Variants in PHACTR2 observed in about 807,000 individuals in gnomAD.
The protein encoded by PHACTR2 is phosphatase and actin regulator 2.
In PHACTR2, 30 loss-of-function variants were observed where a neutral mutation model predicts 76.0. That is an observed-to-expected ratio of 0.39 (90% CI 0.30 to 0.54). PHACTR2 has a LOEUF of 0.54. PHACTR2 is among the 20% of genes least tolerant of loss of function. PHACTR2 has a pLI of 0.61. For synonymous variants in PHACTR2, 292 were observed against 292.5 expected (o/e 1.00, Z 0.02); for missense variants, 696 against 781.1 (o/e 0.89, Z 1.30).
rs1778741528 is a variant in PHACTR2, at chr6:143,733,109, G to C, written c.215-15876G>C. Among the ~76,000 whole-genome samples the C allele has an allele frequency of 6.6e-6, 1 of 152,038 alleles. No homozygotes were observed. The highest frequency in any genetic ancestry group is 6.6e-5 in the Admixed American group (1 of 15,246). On this transcript the variant is annotated intron_variant, in intron 2 of 12. Coordinates refer to ENST00000440869, the MANE Select transcript of PHACTR2 (RefSeq NM_001100164.2). The surrounding 1 kb of genome is among the most constrained non-coding windows in gnomAD (Gnocchi z 4.0). ...AGATGGAGGCTTGCTCAGCTGCCCA[G>C]GCTGGGTGTCCAACTGGCTTCAAGT... is the stretch of plus-strand genomic sequence containing the variant.
Position 143,761,861 on chromosome 6 carries a change from AT to A in PHACTR2, c.694+1222del, listed in dbSNP as rs1779450985. Among the ~76,000 whole-genome samples, 1 of 152,202 alleles carries A rather than the reference AT, an allele frequency of 6.6e-6. No homozygotes were observed. Among genetic ancestry groups the A allele is most frequent in the African/African-American group, 2.4e-5 (1 of 41,442 alleles). On this transcript the variant is annotated intron_variant, in intron 5 of 12. Coordinates refer to ENST00000440869, the MANE Select transcript of PHACTR2 (RefSeq NM_001100164.2). The surrounding 1 kb of genome is among the most constrained non-coding windows in gnomAD (Gnocchi z 5.2). ...TTTCCTCTCATAATGTATGACCATA[AT>A]GCTCAAATTCAGAGAGCGGTTTAGT...
At chr6:143,712,538 T>G (rs201454914) in intron 2 of PHACTR2, among the ~76,000 whole-genome samples, 213 of 123,088 alleles carry the variant, frequency 1.7e-3, no homozygotes, top group Admixed American at 4.0e-3. Flanking sequence ...CATGATGTTA[T>G]ATATTTAGTT....
At position 143,811,878 on chromosome 6, in the gene PHACTR2, T is replaced by TA. The variant is rs1776181628; in HGVS notation, c.1922+4751dup. Among the ~76,000 whole-genome samples the TA allele has an allele frequency of 6.6e-6, 1 of 152,160 alleles. No individual in the cohort carries two copies. Among genetic ancestry groups the TA allele is most frequent in the Admixed American group, 6.5e-5 (1 of 15,276 alleles). ...AGTTTTACATTTAGCAAATTGTTCATAAAAAAGGTGGTGGTACTCTTAGTA... is the reference window on the plus strand; with the variant it reads ...AGTTTTACATTTAGCAAATTGTTCATAAAAAAAGGTGGTGGTACTCTTAGTA... On this transcript the variant is annotated intron_variant, in intron 12 of 12. Coordinates refer to ENST00000440869, the MANE Select transcript of PHACTR2 (RefSeq NM_001100164.2). This position sits in a 1 kb window ranked among gnomAD's most constrained non-coding sequence, Gnocchi z 4.1.
In PHACTR2 at chr6:143,800,930, G is replaced by A. The variant is rs1188690453; in HGVS notation, c.1846-6127G>A. ...TCTCAGCATTTGCTTGTGTGGAAAG[G>A]ATTTTATTTCTCCTTCACTTATGAA... On this transcript the variant is annotated intron_variant, in intron 11 of 12. Coordinates refer to ENST00000440869, the MANE Select transcript of PHACTR2 (RefSeq NM_001100164.2). This position sits in a 1 kb window ranked among gnomAD's most constrained non-coding sequence, Gnocchi z 4.8. 3.9e-5 allele frequency among the ~76,000 whole-genome samples: 6 copies of A among 152,266 alleles called. No individual in the cohort carries two copies. Among genetic ancestry groups the A allele is most frequent in the South Asian group, 2.1e-4 (1 of 4,834 alleles).
rs1348655357 is a variant in PHACTR2, at chr6:143,608,499, T to C, written c.13+177T>C. Among the ~76,000 whole-genome samples the C allele has an allele frequency of 6.6e-6, 1 of 152,246 alleles. No homozygotes were observed. The highest frequency in any genetic ancestry group is 1.9e-4 in the East Asian group (1 of 5,198). ...TCCACAAGACAATTAGTGTTTACTTTGAAGTTTAGGAACTGGGAATGCAGA... is the reference window on the plus strand; with the variant it reads ...TCCACAAGACAATTAGTGTTTACTTCGAAGTTTAGGAACTGGGAATGCAGA... On this transcript the variant is annotated intron_variant, in intron 1 of 11. Transcript: ENST00000305766. The surrounding 1 kb of genome is among the most constrained non-coding windows in gnomAD (Gnocchi z 4.6).
chr6:143,705,774 C>T (rs932152667), intron 1 of PHACTR2, among the ~76,000 whole-genome samples: 1 of 152,156 alleles, frequency 6.6e-6, no homozygotes, highest in Admixed American at 6.5e-5. Context: ...ATGTGAACCT[C>T]GATCCCTGGC....
Position 143,618,857 on chromosome 6 carries a change from A to T in PHACTR2, c.13+10535A>T, listed in dbSNP as rs1776103528. 6.6e-6 allele frequency among the ~76,000 whole-genome samples: 1 copy of T among 152,068 alleles called. No homozygotes were observed. Among genetic ancestry groups the T allele is most frequent in the Non-Finnish European group, 1.5e-5 (1 of 68,036 alleles). ...CTACCCCTGTTGGAACACGTAGCAG[A>T]TATACCATCATGCTGCTTCACGTGC... On this transcript the variant is annotated intron_variant, in intron 1 of 11. Transcript: ENST00000305766. The surrounding 1 kb of genome is among the most constrained non-coding windows in gnomAD (Gnocchi z 5.2).
upstream of PHACTR2, among the ~76,000 whole-genome samples, chr6:143,677,569 T>A (rs1192659639): frequency 6.6e-6 from 1 of 152,074 alleles, no homozygotes; most frequent in African/African-American, 2.4e-5. Flanking sequence ...AAATTATATT[T>A]GTTAAAAGGA....
At chr6:143,630,955 A>G (rs929464697) in intron 1 of PHACTR2, among the ~76,000 whole-genome samples, 2 of 152,338 alleles carry the variant, frequency 1.3e-5, no homozygotes, top group South Asian at 4.1e-4. Context: ...GGCTGCTCGA[A>G]GTGACACAAA....
chr6:143,697,367 A>G lies in PHACTR2; in HGVS notation c.47-14649A>G, dbSNP rs1777797327. Reference sequence around the variant, plus strand: ...GACTGAAGAAAAATCTGAGATGAGAAAGAAGGAAATGTTAACAAAGAGAGT... The same window carrying G: ...GACTGAAGAAAAATCTGAGATGAGAGAGAAGGAAATGTTAACAAAGAGAGT... On this transcript the variant is annotated intron_variant, in intron 1 of 12. Coordinates refer to ENST00000440869, the MANE Select transcript of PHACTR2 (RefSeq NM_001100164.2). This position sits in a 1 kb window ranked among gnomAD's most constrained non-coding sequence, Gnocchi z 4.4. Among the ~76,000 whole-genome samples, 1 of 152,224 alleles carries G rather than the reference A, an allele frequency of 6.6e-6. No individual in the cohort carries two copies. Among genetic ancestry groups the G allele is most frequent in the South Asian group, 2.1e-4 (1 of 4,828 alleles).
chr6:143,637,211 T>C (rs1776472184), intron 1 of PHACTR2, among the ~76,000 whole-genome samples: 1 of 152,188 alleles, frequency 6.6e-6, no homozygotes, highest in African/African-American at 2.4e-5. Flanking sequence ...TCCCTTGTTT[T>C]TGCTCTAACC....
At position 143,668,916 on chromosome 6, in the gene PHACTR2, T is replaced by C. The variant is rs146577536; in HGVS notation, c.14-43100T>C. ...GTTATTTCTTGTTTTCTGCTAGCTT[T>C]TGAATTTGTTTGCTCTTGCTTCTCT... On this transcript the variant is annotated intron_variant, in intron 1 of 11. Coordinates refer to the PHACTR2 transcript ENST00000305766. Among the ~76,000 whole-genome samples, 155 of 152,316 alleles carry C rather than the reference T, an allele frequency of 1.0e-3. 1 individual carries two copies. The Middle Eastern group carries it at 0.01, about 10-fold the overall frequency.
At position 143,774,122 on chromosome 6, in the gene PHACTR2, C is replaced by T; in HGVS notation, c.1496C>T (p.Ser499Phe). 2 of 1,613,710 alleles carry T rather than the reference C, an allele frequency of 1.2e-6. No individual in the cohort carries two copies. The highest frequency in any genetic ancestry group is 1.7e-6 in the Non-Finnish European group (2 of 1,179,632). ...GCTATCAAACTTGGCAACAGACCAT[C>T]TAAGAAAGAACTAGAGGACAAAAAC... ...TLAIKLGNRP[S>F]KKELEDKNIL... Residue 499 changes from serine to phenylalanine, a missense_variant, in exon 8 of 13, where the codon TCT becomes TTT. Coordinates refer to ENST00000440869, the MANE Select transcript of PHACTR2 (RefSeq NM_001100164.2). The surrounding 1 kb of genome is among the most constrained non-coding windows in gnomAD (Gnocchi z 5.4).
In PHACTR2 at chr6:143,700,149, A is replaced by G. The variant is rs1777872781; in HGVS notation, c.47-11867A>G. On this transcript the variant is annotated intron_variant, in intron 1 of 12. Transcript: ENST00000440869. This position sits in a 1 kb window ranked among gnomAD's most constrained non-coding sequence, Gnocchi z 4.1. The stretch of plus-strand genomic sequence containing the variant: ...TATCCACCAGCCTTTCGACTTAAAT[A>G]TATTGGTCTAGATTTAATGTGTTAT... Among the ~76,000 whole-genome samples the G allele has an allele frequency of 6.6e-6, 1 of 152,166 alleles. No individual in the cohort carries two copies. Among genetic ancestry groups the G allele is most frequent in the South Asian group, 2.1e-4 (1 of 4,828 alleles).
chr6:143,717,555 TG>T, intron 2 of PHACTR2, among the ~76,000 whole-genome samples: 1 of 151,944 alleles, frequency 6.6e-6, no homozygotes, highest in Non-Finnish European at 1.5e-5. Flanking sequence ...AATGCAGTAC[TG>T]GGTGCTTTAG....
chr6:143,548,835 A>AT lies in PHACTR2; in HGVS notation c.217+11635dup, dbSNP rs754698666. Among the ~76,000 whole-genome samples, 3 of 151,942 alleles carry AT rather than the reference A, an allele frequency of 2.0e-5. No individual in the cohort carries two copies. The highest frequency in any genetic ancestry group is 2.9e-5 in the Non-Finnish European group (2 of 67,944). On this transcript the variant is annotated intron_variant, in intron 1 of 11. Transcript: ENST00000367584. This position sits in a 1 kb window ranked among gnomAD's most constrained non-coding sequence, Gnocchi z 4.5. Reference sequence around the variant, plus strand: ...AGAAAACTATGTGAAATAAGGAAGCATTTTTTTAACATAACAAAGTGGATG... The same window carrying AT: ...AGAAAACTATGTGAAATAAGGAAGCATTTTTTTTAACATAACAAAGTGGATG...
chr6:143,600,875 T>G (rs538776611), intron 1 of PHACTR2, among the ~76,000 whole-genome samples: 11 of 152,328 alleles, frequency 7.2e-5, no homozygotes, highest in African/African-American at 2.6e-4. Flanking sequence ...AAAATAAGAT[T>G]CTATAAAAAG....
intron 1 of PHACTR2, among the ~76,000 whole-genome samples, chr6:143,567,714 C>A (rs76767483): frequency 1.3e-5 from 2 of 151,982 alleles, no homozygotes; most frequent in Non-Finnish European, 2.9e-5. Context: ...TTTTGAAATG[C>A]CAGTCTGCAT....
intron 11 of PHACTR2, among the ~76,000 whole-genome samples, chr6:143,805,582 A>G (rs1470697479): frequency 2.0e-5 from 3 of 151,994 alleles, no homozygotes; most frequent in East Asian, 3.9e-4. Context: ...TTCTGGTTCT[A>G]GGCATCACTT....
Sources: gnomAD v4.1 joint callset for allele counts (sites outside exome capture counted in the v4.1 genomes callset) on GRCh38, gnomAD v4.1.1 for gene constraint, Gnocchi (gnomAD v3.1) non-coding constraint, MANE v1.5 for transcripts, NCBI Gene and HGNC (gene_info 2026-07-23, HGNC 2026-07-21) for gene names.